CAST: variants seen among roughly 807,000 people sequenced by gnomAD.
The protein encoded by CAST is MIR583 host.
CAST carries 76 observed loss-of-function variants against 119.6 expected under a neutral mutation model. The observed-to-expected ratio is 0.64, with a 90% CI of 0.53 to 0.77. The LOEUF is 0.77. Among genes scored for constraint, CAST ranks in the 30% least tolerant of loss-of-function variants. The pLI is 0.00. For missense variants in CAST, 953 were observed against 946.5 expected (o/e 1.01, Z -0.09); for synonymous variants, 319 against 331.6 (o/e 0.96, Z 0.41).
the CAST span, among the ~76,000 whole-genome samples, chr5:96,259,211 A>C: frequency 6.6e-6 from 1 of 152,212 alleles, no homozygotes; most frequent in Admixed American, 6.5e-5. Context: ...CATTTATGAG[A>C]TTGGCTCTTT....
intron 1 of CAST, among the ~76,000 whole-genome samples, chr5:96,669,370 G>C (rs1314907406): frequency 6.6e-6 from 1 of 152,078 alleles, no homozygotes; most frequent in East Asian, 1.9e-4. Context: ...CTAGTTTACT[G>C]ATCTGAAAAG....
intron 1 of CAST, among the ~76,000 whole-genome samples, chr5:96,599,953 T>C (rs72772022): frequency 0.042 from 4,829 of 114,088 alleles, 130 homozygotes; most frequent in African/African-American, 0.1. Flanking sequence ...TCCTGTATTA[T>C]TGCTTCATTA....
chr5:96,048,547 AC>A, the CAST span, among the ~76,000 whole-genome samples: 1 of 152,182 alleles, frequency 6.6e-6, no homozygotes, highest in Non-Finnish European at 1.5e-5. Flanking sequence ...AGTAGCTTCC[AC>A]CTAATTTTGG....
At chr5:96,613,128 A>AGAGT (rs1253544193) in intron 1 of CAST, among the ~76,000 whole-genome samples, 1 of 152,230 alleles carries the variant, frequency 6.6e-6, no homozygotes, top group African/African-American at 2.4e-5. Flanking sequence ...GATATCTGGT[A>AGAGT]GAGTGACCCT....
At chr5:96,148,289 A>C in the CAST span, among the ~76,000 whole-genome samples, 1 of 152,196 alleles carries the variant, frequency 6.6e-6, no homozygotes, top group African/African-American at 2.4e-5. Context: ...ACAATATGAT[A>C]ATGATTTTTT....
the CAST span, among the ~76,000 whole-genome samples, chr5:96,487,113 T>C: frequency 1.3e-5 from 2 of 151,482 alleles, no homozygotes; most frequent in East Asian, 1.9e-4. Context: ...TAATCTGTAG[T>C]AGGGGTCAGA....
At chr5:96,592,134 T>C (rs7706893) in intron 1 of CAST, among the ~76,000 whole-genome samples, 65,950 of 152,014 alleles carry the variant, frequency 0.43, 15,596 homozygotes, top group East Asian at 0.66. Context: ...CGGTGGCTCA[T>C]GCCTGTGGTC....
the CAST span, chr5:96,390,786 A>C: frequency 6.5e-6 from 1 of 152,700 alleles, no homozygotes; most frequent in South Asian, 2.1e-4. Context: ...CACAGGCACT[A>C]AGAAAGACTG....
the CAST span, among the ~76,000 whole-genome samples, chr5:96,036,361 A>G: frequency 6.6e-6 from 1 of 152,128 alleles, no homozygotes; most frequent in Non-Finnish European, 1.5e-5. Flanking sequence ...CACACCAGAT[A>G]AGACTATGGA....
chr5:96,554,784 C>CAA (rs1295466403), intron 1 of CAST, among the ~76,000 whole-genome samples: 2 of 152,134 alleles, frequency 1.3e-5, no homozygotes, highest in Non-Finnish European at 2.9e-5. Flanking sequence ...TTTATGCAGC[C>CAA]AACAGACATA....
At chr5:96,469,889 T>TATATATAC in the CAST span, among the ~76,000 whole-genome samples, 2,294 of 145,132 alleles carry the variant, frequency 0.016, 69 homozygotes, top group African/African-American at 0.054. Context: ...AATATATATA[T>TATATATAC]ACACACACAT....
the CAST span, among the ~76,000 whole-genome samples, chr5:96,188,652 A>G: frequency 6.6e-6 from 1 of 152,154 alleles, no homozygotes; most frequent in Admixed American, 6.5e-5. Flanking sequence ...AATATCCATC[A>G]GCTATACCTT....
the CAST span, among the ~76,000 whole-genome samples, chr5:96,322,221 T>A: frequency 6.6e-6 from 1 of 152,024 alleles, no homozygotes; most frequent in African/African-American, 2.4e-5. Flanking sequence ...AACCTCAGAG[T>A]TGGGAATTGT....
chr5:96,189,245 C>A, the CAST span, among the ~76,000 whole-genome samples: 1 of 152,088 alleles, frequency 6.6e-6, no homozygotes, highest in Non-Finnish European at 1.5e-5. Flanking sequence ...AGTATGTTTG[C>A]AAGTAATTTC....
the CAST span, among the ~76,000 whole-genome samples, chr5:96,437,109 A>G: frequency 6.6e-6 from 1 of 152,218 alleles, no homozygotes; most frequent in Non-Finnish European, 1.5e-5. Flanking sequence ...GACATCTTTA[A>G]TTCTACTGGT....
At chr5:96,501,904 T>A in the CAST span, among the ~76,000 whole-genome samples, 4 of 152,352 alleles carry the variant, frequency 2.6e-5, no homozygotes, top group South Asian at 8.3e-4. Context: ...TAGCGTATTG[T>A]GTGTAGGTGT....
chr5:95,991,492 GTTTTGTTTTTTTTTTTT>G, the CAST span, among the ~76,000 whole-genome samples: 2 of 123,316 alleles, frequency 1.6e-5, no homozygotes, highest in South Asian at 2.8e-4. Flanking sequence ...TTAACAACAA[GTTTTGTTTTTTTTTTTT>G]TTTTTTTTTT....
chr5:96,487,765 T>C, the CAST span, among the ~76,000 whole-genome samples: 2 of 152,228 alleles, frequency 1.3e-5, no homozygotes, highest in Non-Finnish European at 2.9e-5. Flanking sequence ...CAAAATTTTA[T>C]TCTGGAGTGT....
chr5:96,121,450 C>T, the CAST span, among the ~76,000 whole-genome samples: 117 of 151,640 alleles, frequency 7.7e-4, no homozygotes, highest in Non-Finnish European at 8.2e-4. Context: ...GGGGCTAACT[C>T]CACCCAGTAT....
Sources: gnomAD v4.1 joint callset for allele counts (sites outside exome capture counted in the v4.1 genomes callset) on GRCh38, gnomAD v4.1.1 for gene constraint, MANE v1.5 for transcripts, NCBI Gene and HGNC (gene_info 2026-07-23, HGNC 2026-07-21) for gene names.